The following SPNS3 variants were observed in gnomAD, a reference collection of about 807,000 sequenced individuals.
SPNS3 encodes the protein SPNS lysolipid transporter 3, sphingosine-1-phosphate (putative).
In SPNS3, 51 loss-of-function variants were observed where a neutral mutation model predicts 54.4. That is an observed-to-expected ratio of 0.94 (90% CI 0.75 to 1.18). The LOEUF (loss-of-function observed/expected upper bound fraction) is 1.18. SPNS3 is among the 50% of genes most tolerant of loss of function. The pLI, the probability that SPNS3 is intolerant of heterozygous loss-of-function variation, is 0.00. For synonymous variants in SPNS3, 309 were observed against 294.7 expected (o/e 1.05, Z -0.50); for missense variants, 669 against 677.4 (o/e 0.99, Z 0.14).
At chr17:4,439,786 G>A (rs1970803035) in intron 2 of SPNS3, 63 bp downstream of exon 2, 1 of 1,473,936 alleles carries the variant, frequency 6.8e-7, no homozygotes, top group Non-Finnish European at 9.3e-7. Context: ...GGCTCTTTCT[G>A]TGGGTCATGT....
intron 8 of SPNS3, among the ~76,000 whole-genome samples, chr17:4,470,883 A>G (rs1203523236): frequency 6.6e-6 from 1 of 152,042 alleles, no homozygotes; most frequent in East Asian, 1.9e-4. Flanking sequence ...TTGTTATATT[A>G]ATATCTTTAC....
At chr17:4,463,406 A>C (rs1488263505) in intron 8 of SPNS3, among the ~76,000 whole-genome samples, 3 of 144,336 alleles carry the variant, frequency 2.1e-5, no homozygotes, top group Non-Finnish European at 4.6e-5. Context: ...CAAAAAAAAA[A>C]AAAAACAAAA....
chr17:4,460,618 T>A (rs1971473349), intron 8 of SPNS3, among the ~76,000 whole-genome samples: 1 of 151,224 alleles, frequency 6.6e-6, no homozygotes, highest in African/African-American at 2.4e-5. Flanking sequence ...TTTTTTTTTT[T>A]TTTTTAGTAG....
intron 8 of SPNS3, among the ~76,000 whole-genome samples, chr17:4,477,970 CT>C (rs397837193): frequency 0.013 from 1,226 of 97,568 alleles, 11 homozygotes; most frequent in African/African-American, 0.046. Flanking sequence ...TTCACTTTTC[CT>C]TTTTTTTTTT....
At chr17:4,464,627 C>G (rs890145994) in intron 8 of SPNS3, among the ~76,000 whole-genome samples, 10 of 152,286 alleles carry the variant, frequency 6.6e-5, no homozygotes, top group Admixed American at 2.6e-4. Flanking sequence ...GAGTGCTACT[C>G]TTTACCTCTC....
chr17:4,446,724 G>T, intron 4 of SPNS3, 172 bp from the exon 5 acceptor site: 1 of 645,778 alleles, frequency 1.5e-6, no homozygotes. Context: ...CTGACCGAGG[G>T]CAGTGGACAT....
chr17:4,434,963 A>C (rs1370436938), intron 1 of SPNS3, among the ~76,000 whole-genome samples: 1 of 151,114 alleles, frequency 6.6e-6, no homozygotes, highest in Non-Finnish European at 1.5e-5. Flanking sequence ...CCACCATGCC[A>C]GGCTAGTTTT....
At chr17:4,445,423 T>G (rs1312659979) in intron 3 of SPNS3, among the ~76,000 whole-genome samples, 1 of 151,246 alleles carries the variant, frequency 6.6e-6, no homozygotes, top group Non-Finnish European at 1.5e-5. Flanking sequence ...TTGCCCAGGC[T>G]GGAGTGCAAT....
chr17:4,486,017 C>A lies in SPNS3; in HGVS notation c.1180-211C>A, dbSNP rs368352099. 4.2e-6 allele frequency: 2 copies of A among 478,000 alleles called. No homozygotes were observed. Among genetic ancestry groups the A allele is most frequent in the African/African-American group, 2.0e-5 (1 of 49,542 alleles). 29.6% of individuals were successfully genotyped at this position (478,000 alleles called of 1,614,324 possible). A position where few individuals can be genotyped will look rare whatever the true frequency, so the allele number is the denominator to read the frequency against. On this transcript the variant is annotated intron_variant, in intron 9 of 11. Transcript: ENST00000355530. The surrounding 1 kb of genome is among the most constrained non-coding windows in gnomAD (Gnocchi z 5.5). ...GTGGCCCTGATCAGGGGCCTTGGCA[C>A]CCCCATCCTGGGGCACTGGGGAAGC...
At chr17:4,450,292 T>A (rs978757891) in intron 7 of SPNS3, among the ~76,000 whole-genome samples, 1 of 149,406 alleles carries the variant, frequency 6.7e-6, no homozygotes, top group Admixed American at 6.7e-5. Context: ...TCTCTTCTCT[T>A]CTCTCCTTCC....
At chr17:4,461,161 C>T (rs1040661446) in intron 8 of SPNS3, among the ~76,000 whole-genome samples, 2 of 151,604 alleles carry the variant, frequency 1.3e-5, no homozygotes, top group South Asian at 4.2e-4. Flanking sequence ...TATAACAGTT[C>T]CTTCTAATTC....
rs56241502 is a variant in SPNS3 at position 4,468,811 on chromosome 17, G to A, written c.1114-9761G>A. ...TCTCTCTTTCTTTTTTTTTTTTGACGGAGTTTTGCTCTTGTCACCGAGGCT... is the reference window on the plus strand; with the variant it reads ...TCTCTCTTTCTTTTTTTTTTTTGACAGAGTTTTGCTCTTGTCACCGAGGCT... On this transcript the variant is annotated intron_variant, in intron 8 of 11. Transcript: ENST00000355530. 9.6e-3 allele frequency among the ~76,000 whole-genome samples: 974 copies of A among 101,018 alleles called. 10 individuals carry two copies. The highest frequency in any genetic ancestry group is 0.033 in the African/African-American group (928 of 28,180). 66.3% of individuals were successfully genotyped at this position (101,018 alleles called of 152,430 possible). A position where few individuals can be genotyped will look rare whatever the true frequency, so the allele number is the denominator to read the frequency against.
intron 2 of SPNS3, chr17:4,444,829 T>G (rs1330886381): frequency 3.2e-6 from 2 of 620,660 alleles, no homozygotes; most frequent in Non-Finnish European, 5.6e-6. Flanking sequence ...GGGGCCAGAT[T>G]GAGGCCTCCA....
intron 8 of SPNS3, among the ~76,000 whole-genome samples, chr17:4,463,396 C>CAAAAAAAAAAAAAAAAAAA (rs368770425): frequency 8.2e-6 from 1 of 122,144 alleles, no homozygotes; most frequent in African/African-American, 3.0e-5. Context: ...GACTCTGTCT[C>CAAAAAAAAAAAAAAAAAAA]AAAAAAAAAA....
intron 8 of SPNS3, among the ~76,000 whole-genome samples, chr17:4,475,108 A>C (rs1971954694): frequency 6.6e-6 from 1 of 151,950 alleles, no homozygotes; most frequent in Non-Finnish European, 1.5e-5. Context: ...GGGATGACTA[A>C]AGCCAGGGAC....
At chr17:4,468,724 T>TCTTTCTTG (rs1027109641) in intron 8 of SPNS3, among the ~76,000 whole-genome samples, 1 of 131,932 alleles carries the variant, frequency 7.6e-6, no homozygotes, top group African/African-American at 3.3e-5. Context: ...CTCTTTCTTT[T>TCTTTCTTG]CTTTCTTTCT....
intron 6 of SPNS3, 37 bp from the exon 7 acceptor site, chr17:4,449,198 C>A: frequency 6.2e-7 from 1 of 1,602,218 alleles, no homozygotes; most frequent in Non-Finnish European, 8.5e-7. Context: ...CAGCCCCAGC[C>A]CTCTCCCAAC....
intron 1 of SPNS3, among the ~76,000 whole-genome samples, chr17:4,437,735 A>G (rs775952676): frequency 3.7e-4 from 57 of 152,142 alleles, no homozygotes; most frequent in Non-Finnish European, 6.9e-4. Flanking sequence ...AACAGTTTGT[A>G]TGCCAGGTTG....
At chr17:4,460,183 C>T (rs1434588655) in intron 8 of SPNS3, among the ~76,000 whole-genome samples, 1 of 152,038 alleles carries the variant, frequency 6.6e-6, no homozygotes. Context: ...GACGTGAGGA[C>T]AGAGAGATGA....
Sources: gnomAD v4.1 joint callset for allele counts (sites outside exome capture counted in the v4.1 genomes callset) on GRCh38, gnomAD v4.1.1 for gene constraint, Gnocchi (gnomAD v3.1) non-coding constraint, MANE v1.5 for transcripts, NCBI Gene and HGNC (gene_info 2026-07-23, HGNC 2026-07-21) for gene names.